RYR2: variants seen among roughly 807,000 people sequenced by gnomAD.
The protein encoded by RYR2 is ryanodine receptor 2.
Under a neutral mutation model 601.1 loss-of-function variants are expected in RYR2, and 227 were observed. That is an observed-to-expected ratio of 0.38 (90% CI 0.34 to 0.42). The LOEUF is 0.42. RYR2 is among the 10% of genes least tolerant of loss of function. The probability of loss-of-function intolerance (pLI) is 1.00; values close to 1 mark genes in which losing one functional copy is unlikely to be tolerated. For missense variants in RYR2, 4,646 were observed against 6,156.5 expected, an observed-to-expected ratio of 0.75 and a Z score of 8.21; for synonymous variants, 2,223 against 2,175.1, an observed-to-expected ratio of 1.02 and a Z score of -0.61.
chr1:237,633,226 T>C (rs1025629733), intron 42 of RYR2, among the ~76,000 whole-genome samples: 1 of 152,228 alleles, frequency 6.6e-6, no homozygotes, highest in African/African-American at 2.4e-5. Context: ...ATTATCCATA[T>C]TATTCTAACA....
intron 25 of RYR2, among the ~76,000 whole-genome samples, chr1:237,531,971 C>A (rs1020019663): frequency 6.6e-6 from 1 of 152,068 alleles, no homozygotes; most frequent in African/African-American, 2.4e-5. Flanking sequence ...ATTTCTCCTA[C>A]TGTATATTAT....
chr1:237,156,691 A>G (rs1011871325), intron 1 of RYR2, among the ~76,000 whole-genome samples: 2 of 152,222 alleles, frequency 1.3e-5, no homozygotes, highest in African/African-American at 4.8e-5. Context: ...TTAAGTGAAT[A>G]TAGTAATATG....
chr1:237,565,961 C>T (rs944581746), intron 27 of RYR2, among the ~76,000 whole-genome samples: 1 of 152,114 alleles, frequency 6.6e-6, no homozygotes, highest in Non-Finnish European at 1.5e-5. Flanking sequence ...TTAAATACAG[C>T]ATTTGTATGT....
At chr1:237,702,156 T>A in intron 66 of RYR2, 97 bp downstream of exon 66, 1 of 721,294 alleles carries the variant, frequency 1.4e-6, no homozygotes, top group South Asian at 1.7e-5. Flanking sequence ...GTTTCCTAGT[T>A]ATAAACTAAA....
intron 4 of RYR2, among the ~76,000 whole-genome samples, chr1:237,357,152 G>A (rs1318011431): frequency 6.6e-6 from 1 of 151,672 alleles, no homozygotes; most frequent in African/African-American, 2.4e-5. Flanking sequence ...ATGTTATATT[G>A]CTGAGAATAA....
chr1:237,251,861 G>A (rs1170874298), intron 1 of RYR2, among the ~76,000 whole-genome samples: 2 of 151,878 alleles, frequency 1.3e-5, no homozygotes, highest in Non-Finnish European at 2.9e-5. Flanking sequence ...TCCCCATTTC[G>A]GTACATGGTA....
In RYR2 at chr1:237,088,279, G is replaced by A. The variant is rs144805764; in HGVS notation, c.48+45710G>A. On this transcript the variant is annotated intron_variant, in intron 1 of 104. Transcript: ENST00000366574. ...TGTGCCAAACGCAGATGGTTAGTGA[G>A]GTCCTGGCCATCTCCACGCTCCTGT... 2.4e-3 allele frequency among the ~76,000 whole-genome samples: 362 copies of A among 152,204 alleles called. 7 individuals are homozygous for A. Among genetic ancestry groups the A allele is most frequent in the Admixed American group, 0.019 (297 of 15,284 alleles).
At chr1:237,203,849 G>C (rs111776061) in intron 1 of RYR2, among the ~76,000 whole-genome samples, 13 of 152,024 alleles carry the variant, frequency 8.6e-5, no homozygotes, top group Non-Finnish European at 2.9e-5. Flanking sequence ...GCCCTATTCC[G>C]TGCAGTCTCC....
intron 17 of RYR2, among the ~76,000 whole-genome samples, chr1:237,472,122 G>A (rs1158466199): frequency 6.6e-6 from 1 of 152,122 alleles, no homozygotes; most frequent in Non-Finnish European, 1.5e-5. Context: ...TTTCTCCAGA[G>A]GAAGTGGTGT....
intron 1 of RYR2, among the ~76,000 whole-genome samples, chr1:237,243,930 T>C (rs545602566): frequency 1.3e-5 from 2 of 152,310 alleles, no homozygotes; most frequent in East Asian, 1.9e-4. Flanking sequence ...AGCTGTGAGA[T>C]AGGCAGAGAG....
intron 101 of RYR2, among the ~76,000 whole-genome samples, chr1:237,823,073 AAAT>A (rs1662693564): frequency 6.6e-6 from 1 of 152,134 alleles, no homozygotes; most frequent in African/African-American, 2.4e-5. Context: ...AGACTCCCCA[AAAT>A]AATAGTGGAA....
intron 35 of RYR2, among the ~76,000 whole-genome samples, chr1:237,606,981 G>C (rs1041258601): frequency 6.6e-6 from 1 of 152,234 alleles, no homozygotes; most frequent in Non-Finnish European, 1.5e-5. Context: ...TGGTGGGACT[G>C]TAAACTAGTT....
chr1:237,807,081 A>G (rs977117270), intron 99 of RYR2, among the ~76,000 whole-genome samples: 3 of 152,336 alleles, frequency 2.0e-5, no homozygotes, highest in Middle Eastern at 3.4e-3. Flanking sequence ...TCCACAGTTA[A>G]GTCCACATTA....
intron 14 of RYR2, among the ~76,000 whole-genome samples, chr1:237,451,891 ATTTGTGT>A (rs1480684740): frequency 3.3e-5 from 5 of 150,460 alleles, no homozygotes; most frequent in Non-Finnish European, 7.4e-5. Flanking sequence ...ATAGTTAATC[ATTTGTGT>A]TTTTCTTATG....
chr1:237,608,866 A>G (rs1034641148), intron 35 of RYR2, among the ~76,000 whole-genome samples: 1 of 144,024 alleles, frequency 6.9e-6, no homozygotes, highest in African/African-American at 2.6e-5. Flanking sequence ...CCTGACTGAT[A>G]TATTCAGTCA....
intron 16 of RYR2, among the ~76,000 whole-genome samples, chr1:237,458,279 A>C (rs950710242): frequency 5.9e-5 from 9 of 152,186 alleles, no homozygotes; most frequent in African/African-American, 2.2e-4. Context: ...AATACAAAAA[A>C]TTAGCCGAGC....
At chr1:237,596,554 T>A (rs997868581) in intron 34 of RYR2, among the ~76,000 whole-genome samples, 1 of 152,144 alleles carries the variant, frequency 6.6e-6, no homozygotes, top group Admixed American at 6.5e-5. Flanking sequence ...ATAGAACTTA[T>A]GGGATGCCAC....
chr1:237,115,289 A>G (rs1669935926), intron 1 of RYR2, among the ~76,000 whole-genome samples: 1 of 151,340 alleles, frequency 6.6e-6, no homozygotes, highest in African/African-American at 2.4e-5. Context: ...GGGCTGGACC[A>G]CTCCTTCCCA....
At chr1:237,595,334 A>G (rs966648853) in intron 33 of RYR2, among the ~76,000 whole-genome samples, 164 bp from the exon 34 acceptor site, 1 of 152,148 alleles carries the variant, frequency 6.6e-6, no homozygotes, top group Non-Finnish European at 1.5e-5. Context: ...ACTGCAGTCA[A>G]TGGAGTTTTG....
Sources: allele counts gnomAD v4.1 joint callset (sites outside exome capture counted in the v4.1 genomes callset), GRCh38; gene constraint gnomAD v4.1.1; transcripts MANE v1.5; gene names NCBI Gene and HGNC (gene_info 2026-07-23, HGNC 2026-07-21).